The following KIF14 variants were observed in gnomAD, a reference collection of about 807,000 sequenced individuals.
KIF14 encodes kinesin family member 14, also known as kinesin-like protein KIF14.
In KIF14, 98 loss-of-function variants were observed where a neutral mutation model predicts 176.2. The observed-to-expected ratio is 0.56, with a 90% CI of 0.47 to 0.66. The LOEUF is 0.66. Among genes scored for constraint, KIF14 ranks in the 30% least tolerant of loss-of-function variants. The pLI is 0.00. For synonymous variants in KIF14, 566 were observed against 632.2 expected, an observed-to-expected ratio of 0.90 and a Z score of 1.57; for missense variants, 1,751 against 1,920.4, an observed-to-expected ratio of 0.91 and a Z score of 1.65.
Position 200,602,074 on chromosome 1 carries a change from A to C in KIF14, c.1980-6T>G. 1 of 1,608,144 alleles carries C rather than the reference A, an allele frequency of 6.2e-7. No homozygotes were observed. Among genetic ancestry groups the C allele is most frequent in the Admixed American group, 1.7e-5 (1 of 58,898 alleles). On this transcript the variant is annotated splice_region_variant and splice_polypyrimidine_tract_variant and intron_variant, in intron 10 of 29. Coordinates refer to ENST00000367350, the MANE Select transcript of KIF14 (RefSeq NM_014875.3). The stretch of plus-strand genomic sequence containing the variant: ...CCAGACTTTCTTTTAACAGCCTACA[A>C]GAAAAAAAGTCATAAGACTTTGCTT...
intron 29 of KIF14, 139 bp from the exon 30 acceptor site, chr1:200,553,906 C>A: frequency 1.2e-6 from 1 of 805,848 alleles, no homozygotes; most frequent in Non-Finnish European, 1.9e-6. Flanking sequence ...GATTAGTCAA[C>A]TAAAGTGTTT....
intron 22 of KIF14, among the ~76,000 whole-genome samples, chr1:200,574,397 C>T (rs935437817): frequency 6.6e-6 from 1 of 152,178 alleles, no homozygotes; most frequent in Non-Finnish European, 1.5e-5. Context: ...ACCCTTCACA[C>T]CTTCAGTCCC....
chr1:200,573,457 G>A (rs61425725), intron 22 of KIF14, among the ~76,000 whole-genome samples: 2 of 86,018 alleles, frequency 2.3e-5, no homozygotes, highest in African/African-American at 5.0e-5. Flanking sequence ...TTTTTGAGAC[G>A]GAGTCCCGCT....
intron 22 of KIF14, among the ~76,000 whole-genome samples, chr1:200,573,423 A>ATTTTTTTTTTTTTTTTT (rs1657921825): frequency 1.2e-5 from 1 of 84,430 alleles, no homozygotes; most frequent in Non-Finnish European, 2.2e-5. Context: ...CAAGGAGCTC[A>ATTTTTTTTTTTTTTTTT]TTTCTTTTTT....
chr1:200,586,226 G>A lies in KIF14; in HGVS notation c.3116C>T (p.Ala1039Val). 1 of 1,583,584 alleles carries A rather than the reference G, an allele frequency of 6.3e-7. No homozygotes were observed. The highest frequency in any genetic ancestry group is 8.6e-7 in the Non-Finnish European group (1 of 1,161,642). Residue 1039 changes from alanine (A) to valine (V), a missense_variant and splice_region_variant, in exon 19 of 30, where the codon GCT becomes GTT. By Grantham distance (64) the Ala-to-Val change is moderately conservative (BLOSUM62 0). Transcript: ENST00000367350. ...ATGGCGGATGCTATGGTCTTCTAAA[G>A]CCTAATTGATATTCATTCATACAGA... Reference protein sequence around the residue: ...LEMETLATKQALEDHSIRHAR... With the variant: ...LEMETLATKQVLEDHSIRHAR...
Position 200,552,795 on chromosome 1 carries a change from A to G in KIF14, c.*593T>C, listed in dbSNP as rs1656602334. On this transcript the variant is annotated 3_prime_UTR_variant, in exon 30 of 30. Transcript: ENST00000367350. The stretch of plus-strand genomic sequence containing the variant: ...AGCTGTCTGAGGAGAGAGAAGGCAT[A>G]GGCACAAAGGTAACTGATTGTTCAG... The G allele has an allele frequency of 6.6e-6, 1 of 152,162 alleles. No individual in the cohort carries two copies. The highest frequency in any genetic ancestry group is 2.4e-5 in the African/African-American group (1 of 41,438). 9.4% of individuals were successfully genotyped at this position (152,162 alleles called of 1,614,324 possible).
At chr1:200,612,851 C>A (rs574676425) in intron 4 of KIF14, among the ~76,000 whole-genome samples, 1 of 151,172 alleles carries the variant, frequency 6.6e-6, no homozygotes, top group East Asian at 1.9e-4. Flanking sequence ...CTTCATGAGC[C>A]AAGTTCTGCA....
chr1:200,594,368 C>CAAAAAA (rs371729211), intron 14 of KIF14, among the ~76,000 whole-genome samples: 24 of 92,468 alleles, frequency 2.6e-4, no homozygotes, highest in African/African-American at 5.4e-4. Flanking sequence ...CCCAAAAATT[C>CAAAAAA]AAAAAAAAAA....
intron 2 of KIF14, among the ~76,000 whole-genome samples, chr1:200,616,606 A>G (rs1660417432): frequency 6.6e-6 from 1 of 152,208 alleles, no homozygotes; most frequent in East Asian, 1.9e-4. Context: ...TCCTGCCCTG[A>G]TGCAGTGGTC....
intron 16 of KIF14, 83 bp from the exon 17 acceptor site, chr1:200,590,355 T>C: frequency 8.4e-7 from 1 of 1,184,860 alleles, no homozygotes; most frequent in Non-Finnish European, 1.1e-6. Context: ...CTGAAAAGTT[T>C]TCCATTGAAT....
chr1:200,562,691 C>T (rs950155676), intron 25 of KIF14, among the ~76,000 whole-genome samples: 14 of 152,114 alleles, frequency 9.2e-5, no homozygotes, highest in Admixed American at 9.2e-4. Flanking sequence ...GCTCTCTGGC[C>T]AATCCTACCT....
chr1:200,603,386 G>A, intron 9 of KIF14, 45 bp from the exon 10 acceptor site: 2 of 865,578 alleles, frequency 2.3e-6, no homozygotes, highest in African/African-American at 1.7e-5. Context: ...ATACTTCTCA[G>A]CAAGAAATTT....
chr1:200,590,007 A>T, intron 17 of KIF14, 118 bp downstream of exon 17: 3 of 1,043,764 alleles, frequency 2.9e-6, no homozygotes, highest in East Asian at 2.4e-5. Flanking sequence ...TGTGGCTTTG[A>T]TTCACTAATC....
chr1:200,603,829 T>C lies in KIF14; in HGVS notation c.1863+10A>G, dbSNP rs1402768238. On this transcript the variant is annotated intron_variant, in intron 9 of 29. Transcript: ENST00000367350. ...AATTTCATCAAAAGGAGAAAAAGCA[T>C]TCCATTTACCTTTAGTCGATCTCCA... The C allele has an allele frequency of 2.0e-6, 3 of 1,515,892 alleles. No homozygotes were observed. The highest frequency in any genetic ancestry group is 2.3e-5 in the South Asian group (2 of 88,872). 93.9% of individuals were successfully genotyped at this position (1,515,892 alleles called of 1,614,324 possible). A position where few individuals can be genotyped will look rare whatever the true frequency, so the allele number is the denominator to read the frequency against.
At chr1:200,612,621 G>A (rs1660209479) in intron 4 of KIF14, among the ~76,000 whole-genome samples, 1 of 152,056 alleles carries the variant, frequency 6.6e-6, no homozygotes, top group South Asian at 2.1e-4. Context: ...TAATTACTGG[G>A]AATGAGAGGT....
intron 18 of KIF14, among the ~76,000 whole-genome samples, chr1:200,586,792 T>C (rs1571514200): frequency 4.2e-4 from 4 of 9,626 alleles, no homozygotes. Flanking sequence ...TATACATACA[T>C]ATATATATAT....
At chr1:200,559,776 T>C (rs1404337041) in intron 26 of KIF14, among the ~76,000 whole-genome samples, 1 of 149,024 alleles carries the variant, frequency 6.7e-6, no homozygotes, top group African/African-American at 2.5e-5. Flanking sequence ...TTTTTTGAAA[T>C]GGAGTTTCGC....
At chr1:200,601,547 C>T (rs1659624810) in intron 11 of KIF14, among the ~76,000 whole-genome samples, 2 of 152,286 alleles carry the variant, frequency 1.3e-5, no homozygotes, top group South Asian at 2.1e-4. Context: ...AGAGCTAGTA[C>T]ATAAAACGTC....
chr1:200,561,646 T>C (rs1275578101), intron 25 of KIF14, among the ~76,000 whole-genome samples: 1 of 151,908 alleles, frequency 6.6e-6, no homozygotes, highest in African/African-American at 2.4e-5. Flanking sequence ...ACTTCATAAA[T>C]GTCTCAGTCA....
Sources: gnomAD v4.1 joint callset for allele counts (sites outside exome capture counted in the v4.1 genomes callset) on GRCh38, gnomAD v4.1.1 for gene constraint, MANE v1.5 for transcripts, NCBI Gene and HGNC (gene_info 2026-07-23, HGNC 2026-07-21) for gene names.